RRAS2: variants seen among roughly 807,000 people sequenced by gnomAD.
RRAS2 encodes RAS related 2, also known as ras-related protein R-Ras2.
In RRAS2, 7 loss-of-function variants were observed where a neutral mutation model predicts 27.6. The ratio of observed to expected loss-of-function variants is 0.25; its 90% CI spans 0.14 to 0.48. RRAS2 has a LOEUF of 0.48. RRAS2 is among the 20% of genes least tolerant of loss of function. The pLI is 0.99. For synonymous variants in RRAS2, 86 were observed against 90.9 expected, an observed-to-expected ratio of 0.95 and a Z score of 0.31; for missense variants, 178 against 256.2, an observed-to-expected ratio of 0.69 and a Z score of 2.08.
chr11:14,353,338 G>A (rs1554955043), intron 1 of RRAS2, among the ~76,000 whole-genome samples: 1 of 152,050 alleles, frequency 6.6e-6, no homozygotes, highest in African/African-American at 2.4e-5. Flanking sequence ...ACTCGGCCAG[G>A]CATGGTGCAG....
chr11:14,314,110 T>C (rs1848039350), intron 1 of RRAS2, among the ~76,000 whole-genome samples: 1 of 152,252 alleles, frequency 6.6e-6, no homozygotes. Flanking sequence ...AATGTGAAAC[T>C]AGACATGTAT....
At chr11:14,307,689 C>G (rs1554948299) in intron 1 of RRAS2, among the ~76,000 whole-genome samples, 3 of 151,938 alleles carry the variant, frequency 2.0e-5, no homozygotes, top group Non-Finnish European at 4.4e-5. Flanking sequence ...AGCACATAGC[C>G]TGCGACAGTT....
chr11:14,333,034 A>G, intron 1 of RRAS2, among the ~76,000 whole-genome samples: 1 of 152,142 alleles, frequency 6.6e-6, no homozygotes, highest in Middle Eastern at 3.2e-3. Flanking sequence ...GTCAATTTCT[A>G]TTTCTTCCCA....
intron 3 of RRAS2, 41 bp downstream of exon 3, chr11:14,294,719 T>C: frequency 6.3e-7 from 1 of 1,582,592 alleles, no homozygotes; most frequent in Non-Finnish European, 8.6e-7. Flanking sequence ...TCTAGTGATC[T>C]TGACAAGAAC....
intron 1 of RRAS2, among the ~76,000 whole-genome samples, chr11:14,330,356 T>G (rs967914667): frequency 2.6e-5 from 4 of 152,028 alleles, no homozygotes; most frequent in Admixed American, 6.6e-5. Context: ...TATAAAAAAT[T>G]TAAAAATTAG....
intron 4 of RRAS2, 91 bp from the exon 5 acceptor site, chr11:14,281,811 C>A: frequency 1.9e-6 from 2 of 1,078,048 alleles, no homozygotes; most frequent in Non-Finnish European, 2.7e-6. Flanking sequence ...AATAATTCAG[C>A]CAAGAGGCCA....
At chr11:14,304,648 G>T (rs1028544874) in intron 1 of RRAS2, among the ~76,000 whole-genome samples, 1 of 152,200 alleles carries the variant, frequency 6.6e-6, no homozygotes, top group Non-Finnish European at 1.5e-5. Flanking sequence ...TCTCAAAGTA[G>T]GGGAGGACTG....
intron 1 of RRAS2, among the ~76,000 whole-genome samples, chr11:14,334,480 C>A (rs1241152450): frequency 4.0e-5 from 6 of 151,612 alleles, no homozygotes; most frequent in African/African-American, 1.5e-4. Context: ...ATCCATGTAA[C>A]CTATTCAATT....
intron 1 of RRAS2, among the ~76,000 whole-genome samples, chr11:14,323,333 C>A (rs1554950555): frequency 6.6e-6 from 1 of 151,970 alleles, no homozygotes; most frequent in African/African-American, 2.4e-5. Context: ...CGGCATGCGC[C>A]TATAGTCCCA....
chr11:14,329,360 C>T (rs1002135398), intron 1 of RRAS2, among the ~76,000 whole-genome samples: 2 of 152,040 alleles, frequency 1.3e-5, no homozygotes, highest in East Asian at 1.9e-4. Flanking sequence ...GTGATCCACC[C>T]GCCTCAGCTT....
At chr11:14,355,307 C>A (rs782180233) in intron 1 of RRAS2, among the ~76,000 whole-genome samples, 1 of 152,090 alleles carries the variant, frequency 6.6e-6, no homozygotes, top group Non-Finnish European at 1.5e-5. Flanking sequence ...GACATAGACC[C>A]CACACACCCA....
chr11:14,289,625 T>C (rs1849754956), intron 4 of RRAS2, among the ~76,000 whole-genome samples: 1 of 152,218 alleles, frequency 6.6e-6, no homozygotes, highest in South Asian at 2.1e-4. Context: ...AGATATCTTT[T>C]TATCTCACGT....
intron 1 of RRAS2, among the ~76,000 whole-genome samples, chr11:14,311,127 C>A (rs1847953602): frequency 6.6e-6 from 1 of 152,080 alleles, no homozygotes; most frequent in Non-Finnish European, 1.5e-5. Context: ...GTGAGAGGAT[C>A]GCTTGAAGCT....
intron 1 of RRAS2, among the ~76,000 whole-genome samples, chr11:14,310,716 A>T (rs1389994508): frequency 6.6e-6 from 1 of 152,204 alleles, no homozygotes; most frequent in East Asian, 1.9e-4. Context: ...AGAGGATGCT[A>T]ATAATAATTA....
chr11:14,356,546 CTG>C, intron 1 of RRAS2: 1 of 255,810 alleles, frequency 3.9e-6, no homozygotes, highest in South Asian at 4.1e-5. Context: ...GGCGAGAAAA[CTG>C]AGGCTCAGAG....
intron 1 of RRAS2, among the ~76,000 whole-genome samples, chr11:14,334,827 G>C (rs1848558263): frequency 6.6e-6 from 1 of 152,026 alleles, no homozygotes; most frequent in Admixed American, 6.6e-5. Flanking sequence ...TATTGTACTA[G>C]CTTTTTCCTC....
chr11:14,333,025 T>C (rs1848512062), intron 1 of RRAS2, among the ~76,000 whole-genome samples: 1 of 152,150 alleles, frequency 6.6e-6, no homozygotes, highest in African/African-American at 2.4e-5. Flanking sequence ...AACATTTGGG[T>C]CAATTTCTAT....
chr11:14,337,513 A>C lies in RRAS2; in HGVS notation c.108+21250T>G, dbSNP rs191137279. Among the ~76,000 whole-genome samples, 144 of 141,954 alleles carry C rather than the reference A, an allele frequency of 1.0e-3. 1 individual carries two copies. Among genetic ancestry groups the C allele is most frequent in the African/African-American group, 3.5e-3 (141 of 40,792 alleles). The allele number at this position is 141,954 out of a possible 152,430, so 93.1% of individuals were successfully genotyped here. A position where few individuals can be genotyped will look rare whatever the true frequency, so the allele number is the denominator to read the frequency against. ...TCTCATCAAGTAGGCATTATCTCAT[A>C]TCATCATAAGAATATAGAACAAAAA... is the stretch of plus-strand genomic sequence containing the variant. On this transcript the variant is annotated intron_variant, in intron 1 of 5. Coordinates refer to ENST00000256196, the MANE Select transcript of RRAS2 (RefSeq NM_012250.6).
At chr11:14,347,651 C>T (rs548648558) in intron 1 of RRAS2, among the ~76,000 whole-genome samples, 4 of 151,950 alleles carry the variant, frequency 2.6e-5, no homozygotes, top group South Asian at 2.1e-4. Flanking sequence ...GAGACCTCGT[C>T]GCTACAAAAA....
Sources: gnomAD v4.1 joint callset for allele counts (sites outside exome capture counted in the v4.1 genomes callset) on GRCh38, gnomAD v4.1.1 for gene constraint, MANE v1.5 for transcripts, NCBI Gene and HGNC (gene_info 2026-07-23, HGNC 2026-07-21) for gene names.